The following PPP2R2B variants were observed in gnomAD, a reference collection of about 807,000 sequenced individuals.
PPP2R2B encodes the protein protein phosphatase 2 regulatory subunit Bbeta.
PPP2R2B carries 5 observed loss-of-function variants against 46.0 expected under a neutral mutation model. That is an observed-to-expected ratio of 0.11 (90% CI 0.06 to 0.23). The LOEUF is 0.23. Ranked by LOEUF, PPP2R2B falls within the 10% of genes least tolerant of loss-of-function variation. The pLI is 1.00. For missense variants in PPP2R2B, 367 were observed against 575.0 expected, an observed-to-expected ratio of 0.64 and a Z score of 3.70; for synonymous variants, 215 against 206.7, an observed-to-expected ratio of 1.04 and a Z score of -0.34.
At chr5:147,047,827 G>A (rs766086594) in intron 1 of PPP2R2B, among the ~76,000 whole-genome samples, 9 of 152,060 alleles carry the variant, frequency 5.9e-5, no homozygotes, top group Non-Finnish European at 1.2e-4. Context: ...TCTTCCCATG[G>A]CAGCCACTTT....
chr5:146,739,923 C>T (rs1752764351), intron 2 of PPP2R2B, among the ~76,000 whole-genome samples: 1 of 152,166 alleles, frequency 6.6e-6, no homozygotes, highest in Non-Finnish European at 1.5e-5. Flanking sequence ...GGACATACTA[C>T]CAGGGAGTAT....
intron 2 of PPP2R2B, among the ~76,000 whole-genome samples, chr5:146,829,428 G>A (rs770257224): frequency 8.5e-5 from 13 of 152,086 alleles, no homozygotes; most frequent in Admixed American, 2.6e-4. Flanking sequence ...TTAAAAAATG[G>A]GTAAGTGTTC....
intron 1 of PPP2R2B, among the ~76,000 whole-genome samples, chr5:146,979,883 C>T (rs11167950): frequency 0.48 from 72,674 of 151,940 alleles, 18,786 homozygotes; most frequent in Middle Eastern, 0.61. Context: ...TTTCTCATTG[C>T]AATTGACCAC....
chr5:146,745,651 T>C (rs1232355907), intron 2 of PPP2R2B, among the ~76,000 whole-genome samples: 1 of 152,044 alleles, frequency 6.6e-6, no homozygotes, highest in Admixed American at 6.6e-5. Context: ...GTAAAGAAAG[T>C]ATGCTTTAAA....
intron 1 of PPP2R2B, among the ~76,000 whole-genome samples, chr5:146,908,942 AG>A (rs1484766195): frequency 1.3e-5 from 2 of 152,136 alleles, no homozygotes; most frequent in African/African-American, 4.8e-5. Context: ...CTGGGATTAC[AG>A]GGGTGGGCCC....
intron 1 of PPP2R2B, among the ~76,000 whole-genome samples, chr5:146,993,631 G>A (rs1331437350): frequency 6.6e-6 from 1 of 152,132 alleles, no homozygotes. Context: ...ATACACAGAA[G>A]CAGAAATTTA....
At chr5:146,839,095 T>C (rs1759470662) in intron 2 of PPP2R2B, among the ~76,000 whole-genome samples, 1 of 152,218 alleles carries the variant, frequency 6.6e-6, no homozygotes, top group South Asian at 2.1e-4. Context: ...TAATTGTGCC[T>C]TCCTAAATAC....
intron 1 of PPP2R2B, among the ~76,000 whole-genome samples, chr5:146,928,031 C>T (rs1443882441): frequency 6.6e-6 from 1 of 152,160 alleles, no homozygotes; most frequent in Non-Finnish European, 1.5e-5. Flanking sequence ...TGAGCCACCA[C>T]ACCTGACCAC....
At chr5:146,704,914 A>G (rs924861649) in intron 2 of PPP2R2B, among the ~76,000 whole-genome samples, 2 of 152,224 alleles carry the variant, frequency 1.3e-5, no homozygotes, top group Admixed American at 1.3e-4. Flanking sequence ...TTGCAGTATC[A>G]TGCTAGGCTG....
At chr5:146,621,884 C>T (rs181140571) in intron 7 of PPP2R2B, among the ~76,000 whole-genome samples, 43 of 152,254 alleles carry the variant, frequency 2.8e-4, no homozygotes, top group African/African-American at 9.9e-4. Flanking sequence ...TGTACTTGGT[C>T]CTCATTTTGC....
chr5:146,614,232 G>GA (rs1772919180), intron 7 of PPP2R2B, among the ~76,000 whole-genome samples: 1 of 119,368 alleles, frequency 8.4e-6, no homozygotes, highest in Non-Finnish European at 1.6e-5. Context: ...ACAAACCTGA[G>GA]AAAAACAAGC....
At chr5:147,031,861 G>T (rs1479417475) in intron 1 of PPP2R2B, among the ~76,000 whole-genome samples, 2 of 152,144 alleles carry the variant, frequency 1.3e-5, no homozygotes, top group Admixed American at 6.5e-5. Flanking sequence ...TAATGAAACT[G>T]GATTCTCAAC....
chr5:146,819,193 G>C lies in PPP2R2B; in HGVS notation c.70+58809C>G, dbSNP rs1758108788. Among the ~76,000 whole-genome samples, 2 of 152,142 alleles carry C rather than the reference G, an allele frequency of 1.3e-5. 1 individual carries two copies. Among genetic ancestry groups the C allele is most frequent in the South Asian group, 4.1e-4 (2 of 4,830 alleles). On this transcript the variant is annotated intron_variant, in intron 2 of 9. Coordinates refer to ENST00000394411, the MANE Select transcript of PPP2R2B (RefSeq NM_181675.4). ...GGCCAAGAATCTGTAAATCTGAGCT[G>C]ATTCATCACTTTCACCACCAGGCTG...
intron 7 of PPP2R2B, among the ~76,000 whole-genome samples, chr5:146,636,588 T>C (rs1161436010): frequency 6.6e-6 from 1 of 152,144 alleles, no homozygotes; most frequent in African/African-American, 2.4e-5. Context: ...GTGCCCTCCT[T>C]CCATGGCAGC....
intron 1 of PPP2R2B, chr5:147,035,131 G>A (rs1314594730): frequency 2.2e-6 from 1 of 455,774 alleles, no homozygotes; most frequent in Non-Finnish European, 4.4e-6. Context: ...AACTGCCTGA[G>A]ACTGGGTAAA....
At chr5:146,864,396 C>CAAAAA (rs34780019) in intron 2 of PPP2R2B, among the ~76,000 whole-genome samples, 2 of 31,310 alleles carry the variant, frequency 6.4e-5, no homozygotes, top group Admixed American at 3.5e-4. Context: ...TAGTATTAAC[C>CAAAAA]AAAAAAAAAA....
At chr5:146,794,616 A>C (rs1756407510) in intron 2 of PPP2R2B, among the ~76,000 whole-genome samples, 2 of 152,300 alleles carry the variant, frequency 1.3e-5, no homozygotes, top group Non-Finnish European at 2.9e-5. Context: ...ATAATTCTAC[A>C]GTTGAGTAAG....
At chr5:146,700,691 A>G (rs549486542) in intron 3 of PPP2R2B, among the ~76,000 whole-genome samples, 3 of 152,270 alleles carry the variant, frequency 2.0e-5, no homozygotes, top group East Asian at 1.9e-4. Flanking sequence ...ATTCTGGCAC[A>G]CCTGAAATCA....
At chr5:146,721,155 C>T (rs1050466010) in intron 2 of PPP2R2B, among the ~76,000 whole-genome samples, 2 of 152,158 alleles carry the variant, frequency 1.3e-5, no homozygotes, top group Admixed American at 6.5e-5. Context: ...TTGACATTTA[C>T]CTCCAAACTG....
Sources: allele counts gnomAD v4.1 joint callset (sites outside exome capture counted in the v4.1 genomes callset), GRCh38; gene constraint gnomAD v4.1.1; transcripts MANE v1.5; gene names NCBI Gene and HGNC (gene_info 2026-07-23, HGNC 2026-07-21).